The following MPG variants were observed in gnomAD, a reference collection of about 807,000 sequenced individuals.
The protein encoded by MPG is DNA-3-methyladenine glycosylase.
A neutral mutation model predicts 31.7 loss-of-function variants in MPG; 33 were observed. The ratio of observed to expected loss-of-function variants is 1.04; its 90% CI spans 0.79 to 1.39. The LOEUF is 1.39. MPG is among the 40% of genes most tolerant of loss of function. The pLI is 0.00. For synonymous variants in MPG, 202 were observed against 169.2 expected (o/e 1.19, Z -1.51); for missense variants, 455 against 415.5 (o/e 1.10, Z -0.83).
chr16:77,398 G>A (rs2141879951), upstream of MPG, among the ~76,000 whole-genome samples: 1 of 152,278 alleles, frequency 6.6e-6, no homozygotes, highest in South Asian at 2.1e-4. Flanking sequence ...CACCGTCCCT[G>A]CCCCTCCCTA....
chr16:83,053 T>C lies in MPG; in HGVS notation c.302T>C (p.Val101Ala). ...TGAGCAGAAACTGACTGCCCACAGG[T>C]CCTAGTCCGGCGACTTCCTAATGGC... ...VPLARAFLGQVLVRRLPNGTE... is the reference protein window; with the variant it reads ...VPLARAFLGQALVRRLPNGTE... The change falls in exon 3 of 4, where the codon GTC becomes GCC. Residue 101 changes from valine to alanine, a missense_variant and splice_region_variant. Val to Ala is a moderately conservative substitution (Grantham distance 64, BLOSUM62 0). Coordinates refer to ENST00000356432, the MANE Select transcript of MPG (RefSeq NM_001015052.3). The C allele has an allele frequency of 6.3e-7, 1 of 1,594,304 alleles. No individual in the cohort carries two copies. The highest frequency in any genetic ancestry group is 1.7e-5 in the Admixed American group (1 of 58,786).
intron 2 of MPG, among the ~76,000 whole-genome samples, chr16:81,367 G>A (rs1898230023): frequency 1.3e-5 from 2 of 152,186 alleles, no homozygotes; most frequent in African/African-American, 4.8e-5. Flanking sequence ...TCTCCAGAGT[G>A]GTAGTTGGGC....
Position 79,628 on chromosome 16 carries a change from C to A in MPG, c.228C>A (p.Gly76=). The A allele has an allele frequency of 2.5e-6, 4 of 1,587,732 alleles. No individual in the cohort carries two copies. The highest frequency in any genetic ancestry group is 3.4e-6 in the Non-Finnish European group (4 of 1,166,280). ...GCATCTATTTCTCAAGCCCAAAGGGCCACCTTACCCGACTGGGGTTGGAGT... is the reference window on the plus strand; with the variant it reads ...GCATCTATTTCTCAAGCCCAAAGGGACACCTTACCCGACTGGGGTTGGAGT... ...YRSIYFSSPK[G]HLTRLGLEFF... is the part of the protein sequence containing the mutation. Residue 76 remains glycine, a synonymous_variant, in exon 2 of 4, where the codon GGC becomes GGA. Coordinates refer to ENST00000356432, the MANE Select transcript of MPG (RefSeq NM_001015052.3).
chr16:80,871 C>T (rs1324934501), intron 2 of MPG, among the ~76,000 whole-genome samples: 8 of 152,186 alleles, frequency 5.3e-5, no homozygotes, highest in Non-Finnish European at 1.0e-4. Context: ...GTGGCAGGTG[C>T]GTCGTAGGAA....
chr16:81,079 T>C (rs1018221981), intron 2 of MPG, among the ~76,000 whole-genome samples: 1 of 152,140 alleles, frequency 6.6e-6, no homozygotes, highest in Non-Finnish European at 1.5e-5. Flanking sequence ...GTGGATGCCC[T>C]TGCAGACCCC....
chr16:80,178 T>C (rs959390814), intron 2 of MPG, among the ~76,000 whole-genome samples: 11 of 152,312 alleles, frequency 7.2e-5, no homozygotes, highest in African/African-American at 2.6e-4. Context: ...ACTGCCCAGG[T>C]CCCATCCTGG....
Position 82,965 on chromosome 16 carries a change from C to A in MPG, c.301-87C>A. 2.5e-6 allele frequency: 3 copies of A among 1,223,150 alleles called. No individual in the cohort carries two copies. The South Asian group carries it at 4.4e-5, about 18-fold the overall frequency. 75.8% of individuals were successfully genotyped at this position (1,223,150 alleles called of 1,614,324 possible). A position where few individuals can be genotyped will look rare whatever the true frequency, so the allele number is the denominator to read the frequency against. ...ACCTGGGCGGCTGACACACCCTGAG[C>A]TGGGGAGATGAGGTCCAGGCTGGGC... On this transcript the variant is annotated intron_variant, in intron 2 of 3. Coordinates refer to ENST00000356432, the MANE Select transcript of MPG (RefSeq NM_001015052.3).
chr16:78,428 G>A, intron 1 of MPG, 95 bp downstream of exon 1: 1 of 1,050,376 alleles, frequency 9.5e-7, no homozygotes, highest in Non-Finnish European at 1.2e-6. Context: ...CCGGGGACGG[G>A]CGTAGCGCCC....
chr16:85,354 G>T (rs974111690), intron 3 of MPG, 47 bp from the exon 4 acceptor site: 4 of 1,545,094 alleles, frequency 2.6e-6, no homozygotes, highest in Non-Finnish European at 3.5e-6. Context: ...AGGGCAGAGA[G>T]GACAGGAGCC....
Position 85,748 on chromosome 16 carries a change from AGAGTG to A in MPG, c.855_859del (p.Arg285SerfsTer2). On this transcript the variant is annotated frameshift_variant, in exon 4 of 4. Transcript: ENST00000356432. LOFTEE classifies it high-confidence loss of function. ...CAGCCCCTGGGTCAGTGTGGTCGAC[AGAGTG>A]GCTGAGCAGGACACACAGGCCTGAG... 2 of 1,513,334 alleles carry A rather than the reference AGAGTG, an allele frequency of 1.3e-6. No homozygotes were observed. The highest frequency in any genetic ancestry group is 1.8e-6 in the Non-Finnish European group (2 of 1,129,988). The allele number at this position is 1,513,334 out of a possible 1,614,324, so 93.7% of individuals were successfully genotyped here. A position where few individuals can be genotyped will look rare whatever the true frequency, so the allele number is the denominator to read the frequency against.
intron 1 of MPG, chr16:79,029 G>T: frequency 1.4e-6 from 2 of 1,423,112 alleles, no homozygotes. Flanking sequence ...GGATGAAAGG[G>T]CAGGGCTCCA....
rs749134952 is a variant in MPG, at chr16:85,696, G to C, written c.801G>C (p.Arg267=). ...VGVGHAGEWA[R]KPLRFYVRGS... is the part of the protein sequence containing the mutation. ...TCGGCCATGCAGGGGAGTGGGCCCG[G>C]AAACCCCTCCGCTTCTATGTCCGGG... Residue 267 remains arginine, a synonymous_variant, in exon 4 of 4, where the codon CGG becomes CGC. Transcript: ENST00000356432. The C allele has an allele frequency of 1.3e-5, 20 of 1,547,518 alleles. No individual in the cohort carries two copies.
chr16:82,428 T>G (rs987268382), intron 2 of MPG, among the ~76,000 whole-genome samples: 11 of 152,172 alleles, frequency 7.2e-5, no homozygotes, highest in African/African-American at 2.2e-4. Context: ...GCTCTGCTGT[T>G]AACTCTGGGG....
Position 78,270 on chromosome 16 carries a change from CG to C in MPG, c.-36del. ...GGTCGGCGGCTGCTGGGCTCCGCGC[CG>C]GGGTCCGAGTCCCACGAAGCCCCGG... On this transcript the variant is annotated 5_prime_UTR_variant, in exon 1 of 4. Coordinates refer to ENST00000356432, the MANE Select transcript of MPG (RefSeq NM_001015052.3). 5 of 1,368,702 alleles carry C rather than the reference CG, an allele frequency of 3.7e-6. No homozygotes were observed. Among genetic ancestry groups the C allele is most frequent in the South Asian group, 3.1e-5 (2 of 64,234 alleles). The allele number at this position is 1,368,702 out of a possible 1,614,324, so 84.8% of individuals were successfully genotyped here. A position where few individuals can be genotyped will look rare whatever the true frequency, so the allele number is the denominator to read the frequency against.
chr16:82,179 C>G (rs11644979), intron 2 of MPG, among the ~76,000 whole-genome samples: 1,426 of 4,724 alleles, frequency 0.3, 351 homozygotes, highest in Non-Finnish European at 0.38. Flanking sequence ...CTCCGGGAAG[C>G]CCTCCTGAAT....
rs1898144244 is a variant in MPG at position 78,259 on chromosome 16, G to A, written c.-51G>A. 2.9e-6 allele frequency: 4 copies of A among 1,369,686 alleles called. No homozygotes were observed. Among genetic ancestry groups the A allele is most frequent in the Non-Finnish European group, 3.8e-6 (4 of 1,057,388 alleles). The allele number at this position is 1,369,686 out of a possible 1,614,324, so 84.8% of individuals were successfully genotyped here. ...GGTGCTTCCGTGGTCGGCGGCTGCT[G>A]GGCTCCGCGCCGGGGTCCGAGTCCC... On this transcript the variant is annotated 5_prime_UTR_variant, in exon 1 of 4. Transcript: ENST00000356432.
chr16:82,824 C>T (rs939270114), intron 2 of MPG, among the ~76,000 whole-genome samples: 11 of 152,180 alleles, frequency 7.2e-5, no homozygotes, highest in Admixed American at 1.3e-4. Flanking sequence ...CTTCGGCCTG[C>T]GGTCTGGTTG....
chr16:77,826 C>T (rs947839823), upstream of MPG, among the ~76,000 whole-genome samples: 4 of 152,140 alleles, frequency 2.6e-5, no homozygotes, highest in African/African-American at 9.7e-5. Flanking sequence ...ACGTCTGCGG[C>T]CCGCCCCCTC....
Position 85,782 on chromosome 16 carries a change from AG to A in MPG, c.*8del. 6.7e-7 allele frequency: 1 copy of A among 1,487,192 alleles called. No homozygotes were observed. Among genetic ancestry groups the A allele is most frequent in the Admixed American group, 2.4e-5 (1 of 42,164 alleles). 92.1% of individuals were successfully genotyped at this position (1,487,192 alleles called of 1,614,324 possible). On this transcript the variant is annotated 3_prime_UTR_variant, in exon 4 of 4. Transcript: ENST00000356432. ...GAGCAGGACACACAGGCCTGAGCAA[AG>A]GGCCTGCCCAGACAAGATTTTTTAA...
Sources: gnomAD v4.1 joint callset for allele counts (sites outside exome capture counted in the v4.1 genomes callset) on GRCh38, gnomAD v4.1.1 for gene constraint, MANE v1.5 for transcripts, NCBI Gene and HGNC (gene_info 2026-07-23, HGNC 2026-07-21) for gene names.